Variants in ZNF763 observed in about 807,000 individuals in gnomAD.
The protein encoded by ZNF763 is zinc finger protein 763, also known as DNA-binding protein.
Under a neutral mutation model 38.0 loss-of-function variants are expected in ZNF763, and 33 were observed. That is an observed-to-expected ratio of 0.87 (90% CI 0.66 to 1.16). The LOEUF (loss-of-function observed/expected upper bound fraction) is 1.16. Among genes scored for constraint, ZNF763 ranks in the 50% most tolerant of loss-of-function variants. The pLI is 0.00. For missense variants in ZNF763, 423 were observed against 469.1 expected (o/e 0.90, Z 0.91); for synonymous variants, 155 against 160.1 (o/e 0.97, Z 0.24).
chr19:11,978,287 T>C lies in ZNF763; in HGVS notation c.363T>C (p.Phe121=). The C allele has an allele frequency of 6.2e-7, 1 of 1,614,118 alleles. No individual in the cohort carries two copies. Among genetic ancestry groups the C allele is most frequent in the Non-Finnish European group, 8.5e-7 (1 of 1,180,006 alleles). ...CGEVGIGNSS[F]NMNIRGDIGH... is the part of the protein sequence containing the mutation. The stretch of plus-strand genomic sequence containing the variant: ...AAGTTGGCATAGGTAACTCATCTTT[T>C]AATATGAACATCAGAGGTGACATTG... The change falls in exon 4 of 4, where the codon TTT becomes TTC. Residue 121 remains phenylalanine (F), a synonymous_variant. Coordinates refer to ENST00000358987, the MANE Select transcript of ZNF763 (RefSeq NM_001367172.2).
chr19:11,972,354 TAA>T (rs1220175935), intron 1 of ZNF763, among the ~76,000 whole-genome samples: 3 of 152,212 alleles, frequency 2.0e-5, no homozygotes, highest in African/African-American at 7.2e-5. Flanking sequence ...TGTTGTCTTT[TAA>T]AAATTACATT....
intron 1 of ZNF763, among the ~76,000 whole-genome samples, chr19:11,966,288 A>C (rs1230474519): frequency 6.6e-6 from 1 of 152,182 alleles, no homozygotes; most frequent in Non-Finnish European, 1.5e-5. Flanking sequence ...CCATCCTGTC[A>C]TACAGAGGCA....
chr19:11,967,710 C>G (rs867688073), intron 1 of ZNF763, among the ~76,000 whole-genome samples: 3 of 152,160 alleles, frequency 2.0e-5, no homozygotes, highest in African/African-American at 7.2e-5. Context: ...GCCCCTGTCT[C>G]TATTTTTAAA....
chr19:11,977,952 T>C (rs1973531815), intron 3 of ZNF763, among the ~76,000 whole-genome samples, 164 bp from the exon 4 acceptor site: 1 of 152,210 alleles, frequency 6.6e-6, no homozygotes, highest in South Asian at 2.1e-4. Context: ...ACAATAGGTA[T>C]GACTATGTCA....
chr19:11,971,859 T>A (rs1236632704), intron 1 of ZNF763, among the ~76,000 whole-genome samples: 2 of 151,788 alleles, frequency 1.3e-5, no homozygotes, highest in African/African-American at 2.4e-5. Flanking sequence ...AGTTCAGGAG[T>A]TTGAGACCAG....
At chr19:11,966,310 G>C (rs34664466) in intron 1 of ZNF763, among the ~76,000 whole-genome samples, 1 of 152,162 alleles carries the variant, frequency 6.6e-6, no homozygotes, top group African/African-American at 2.4e-5. Flanking sequence ...TCAATTTTCA[G>C]GGTTTTTTGG....
chr19:11,977,139 A>G lies in ZNF763; in HGVS notation c.105A>G (p.Glu35=). Residue 35 remains glutamate (E), a synonymous_variant, in exon 2 of 4, where the codon GAA becomes GAG. Transcript: ENST00000358987. ...QRKLYREVML[E]TFRNLTSIGK... ...AACTCTACAGGGAAGTGATGCTGGA[A>G]ACTTTCAGGAACCTGACCTCTATAG... is the stretch of plus-strand genomic sequence containing the variant. The G allele has an allele frequency of 6.2e-7, 1 of 1,614,140 alleles. No individual in the cohort carries two copies. Among genetic ancestry groups the G allele is most frequent in the South Asian group, 1.1e-5 (1 of 91,072 alleles).
intron 3 of ZNF763, 120 bp from the exon 4 acceptor site, chr19:11,977,996 C>A: frequency 7.9e-7 from 1 of 1,266,622 alleles, no homozygotes; most frequent in Non-Finnish European, 1.1e-6. Context: ...TACCTTCAAA[C>A]AATTCAGCCA....
At chr19:11,974,068 C>T (rs530998494) in intron 1 of ZNF763, among the ~76,000 whole-genome samples, 1 of 129,034 alleles carries the variant, frequency 7.7e-6, no homozygotes. Flanking sequence ...TTCCTTCTTT[C>T]TTTTCTTTCT....
chr19:11,965,273 C>G (rs958633935), intron 1 of ZNF763, 62 bp downstream of exon 1: 21 of 1,609,744 alleles, frequency 1.3e-5, no homozygotes, highest in Non-Finnish European at 1.7e-5. Flanking sequence ...CGGCCGGAAC[C>G]GGCTGCGGCG....
At chr19:11,967,751 C>T (rs1167310960) in intron 1 of ZNF763, among the ~76,000 whole-genome samples, 1 of 152,158 alleles carries the variant, frequency 6.6e-6, no homozygotes, top group Non-Finnish European at 1.5e-5. Context: ...GGAATGTTCT[C>T]TGTTACAGAG....
intron 1 of ZNF763, among the ~76,000 whole-genome samples, chr19:11,971,674 C>A (rs866032678): frequency 2.0e-5 from 3 of 152,136 alleles, no homozygotes; most frequent in Non-Finnish European, 4.4e-5. Flanking sequence ...CCATTTATTG[C>A]ATTTTATATT....
chr19:11,969,852 A>C (rs143877708), intron 1 of ZNF763, among the ~76,000 whole-genome samples: 2,875 of 152,162 alleles, frequency 0.019, 36 homozygotes, highest in African/African-American at 0.026. Flanking sequence ...CCTTATCAGG[A>C]TGTCTTTGGG....
Position 11,978,548 on chromosome 19 carries a change from T to A in ZNF763, c.624T>A (p.Ala208=), listed in dbSNP as rs7253997. The A allele has an allele frequency of 6.2e-7, 1 of 1,614,184 alleles. No homozygotes were observed. The highest frequency in any genetic ancestry group is 8.5e-7 in the Non-Finnish European group (1 of 1,180,030). ...ATAAATGTAAGTTTTGTGGGAAAGC[T>A]GTCCATTGTCTCAGATTATATCTTA... The part of the protein sequence containing the change: ...GPYKCKFCGK[A]VHCLRLYLIH... Residue 208 remains alanine (A), a synonymous_variant, in exon 4 of 4, where the codon GCT becomes GCA. Coordinates refer to ENST00000358987, the MANE Select transcript of ZNF763 (RefSeq NM_001367172.2).
chr19:11,972,126 A>G (rs1181343726), intron 1 of ZNF763, among the ~76,000 whole-genome samples: 4 of 151,996 alleles, frequency 2.6e-5, no homozygotes, highest in Non-Finnish European at 4.4e-5. Context: ...AACTTTGTCA[A>G]TACAAAAACA....
intron 2 of ZNF763, 71 bp downstream of exon 2, chr19:11,977,235 G>C (rs1973514624): frequency 6.2e-6 from 10 of 1,607,408 alleles, no homozygotes; most frequent in Non-Finnish European, 7.6e-6. Flanking sequence ...ATGCTGTTGA[G>C]TCATTTGGAA....
At position 11,976,907 on chromosome 19, in the gene ZNF763, C is replaced by T. The variant is rs544013945; in HGVS notation, c.4-131C>T. 3.1e-5 allele frequency: 48 copies of T among 1,528,678 alleles called. 1 individual carries two copies. Among genetic ancestry groups the T allele is most frequent in the Middle Eastern group, 2.3e-4 (1 of 4,342 alleles). The allele number at this position is 1,528,678 out of a possible 1,614,324, so 94.7% of individuals were successfully genotyped here. A position where few individuals can be genotyped will look rare whatever the true frequency, so the allele number is the denominator to read the frequency against. On this transcript the variant is annotated intron_variant, in intron 1 of 3. Coordinates refer to ENST00000358987, the MANE Select transcript of ZNF763 (RefSeq NM_001367172.2). The stretch of plus-strand genomic sequence containing the variant: ...GCTTTATGGAAGAAAGTACAGAAAG[C>T]GAGAAAGGGATGTGATGACCAAAGC...
chr19:11,974,126 T>TTTCTTTCTTTCTTTTC (rs1177618111), intron 1 of ZNF763, among the ~76,000 whole-genome samples: 10 of 55,078 alleles, frequency 1.8e-4, no homozygotes, highest in South Asian at 7.3e-4. Context: ...TCTTTCTTTC[T>TTTCTTTCTTTCTTTTC]TTTCTTTCTT....
At chr19:11,974,133 T>TC (rs1973426904) in intron 1 of ZNF763, among the ~76,000 whole-genome samples, 5 of 115,464 alleles carry the variant, frequency 4.3e-5, no homozygotes, top group African/African-American at 1.4e-4. Context: ...TTCTTTTCTT[T>TC]CTTTCTTTCT....
Sources: gnomAD v4.1 joint callset for allele counts (sites outside exome capture counted in the v4.1 genomes callset) on GRCh38, gnomAD v4.1.1 for gene constraint, MANE v1.5 for transcripts, NCBI Gene and HGNC (gene_info 2026-07-23, HGNC 2026-07-21) for gene names.